Variants in HNF1B observed in about 807,000 individuals in gnomAD.
HNF1B encodes the protein HNF1 homeobox B, also known as hepatocyte nuclear factor 1-beta.
Under a neutral mutation model 61.7 loss-of-function variants are expected in HNF1B, and 8 were observed. The ratio of observed to expected loss-of-function variants is 0.13; its 90% CI spans 0.08 to 0.23. The LOEUF (loss-of-function observed/expected upper bound fraction) is 0.23. Ranked by LOEUF, HNF1B falls within the 10% of genes least tolerant of loss-of-function variation. HNF1B has a pLI of 1.00. For missense variants in HNF1B, 562 were observed against 714.5 expected (o/e 0.79, Z 2.43); for synonymous variants, 314 against 287.7 (o/e 1.09, Z -0.93).
chr17:37,699,603 C>T (rs2032497972), intron 7 of HNF1B, among the ~76,000 whole-genome samples: 1 of 152,222 alleles, frequency 6.6e-6, no homozygotes, highest in Non-Finnish European at 1.5e-5. Context: ...CCACAGGTCG[C>T]TGGTGACCAC....
intron 1 of HNF1B, among the ~76,000 whole-genome samples, chr17:37,741,917 C>T (rs1312917321): frequency 2.0e-5 from 3 of 152,156 alleles, no homozygotes; most frequent in African/African-American, 7.2e-5. Flanking sequence ...AGTAAGATGG[C>T]GCAGTTATAC....
At chr17:37,737,727 T>C (rs917859813) in intron 2 of HNF1B, among the ~76,000 whole-genome samples, 6 of 150,886 alleles carry the variant, frequency 4.0e-5, no homozygotes, top group South Asian at 2.1e-4. Context: ...CCCAGCTACT[T>C]GGGAGGCTGA....
intron 1 of HNF1B, 48 bp downstream of exon 1, chr17:37,744,493 G>A (rs376931357): frequency 1.1e-5 from 18 of 1,579,850 alleles, no homozygotes; most frequent in Middle Eastern, 1.8e-4. Context: ...CCCGGGGCCG[G>A]GGCTCCAGGG....
chr17:37,740,523 G>A (rs901433943), intron 1 of HNF1B, among the ~76,000 whole-genome samples: 8 of 152,094 alleles, frequency 5.3e-5, no homozygotes, highest in African/African-American at 9.7e-5. Flanking sequence ...AAGCAAGGAG[G>A]ATGTCTTAGC....
intron 4 of HNF1B, among the ~76,000 whole-genome samples, chr17:37,718,100 C>T (rs1242090328): frequency 1.3e-5 from 2 of 151,798 alleles, no homozygotes; most frequent in African/African-American, 4.8e-5. Context: ...TAAGGGAAGC[C>T]CACAAACTGG....
intron 4 of HNF1B, among the ~76,000 whole-genome samples, chr17:37,714,109 AGTTCC>A (rs2033026254): frequency 6.6e-6 from 1 of 152,216 alleles, no homozygotes; most frequent in South Asian, 2.1e-4. Context: ...CCTGAGCTTC[AGTTCC>A]TTACTGTTAA....
At chr17:37,725,820 A>C (rs1327703084) in intron 4 of HNF1B, among the ~76,000 whole-genome samples, 2 of 152,216 alleles carry the variant, frequency 1.3e-5, no homozygotes. Context: ...CCCAGAGGTG[A>C]GCTGAGGTGC....
chr17:37,729,339 A>C (rs1310086960), intron 4 of HNF1B: 3 of 151,350 alleles, frequency 2.0e-5, no homozygotes, highest in African/African-American at 7.3e-5. Flanking sequence ...AGGCTAAGAC[A>C]GGAGGACTGC....
In HNF1B at chr17:37,699,173, G is replaced by T. The variant is rs745416273; in HGVS notation, c.1556C>A (p.Pro519His). 3.1e-6 allele frequency: 5 copies of T among 1,613,868 alleles called. No homozygotes were observed. The African/African-American group carries it at 5.3e-5, about 17-fold the overall frequency. ...CCGGGAGGTGTGGGAATACTGGGGG[G>T]GTTCCTGCTTGTGTGCGTACACTGG... ...NSHMYAHKQE[P>H]PQYSHTSRFP... is the part of the protein sequence containing the mutation. Residue 519 changes from proline to histidine, a missense_variant, in exon 8 of 9, where the codon CCC (proline) becomes CAC (histidine). This residue lies in a region of HNF1B where 64 missense variants were observed against 96.9 expected (regional missense o/e 0.66). Coordinates refer to ENST00000617811, the MANE Select transcript of HNF1B (RefSeq NM_000458.4).
chr17:37,734,041 T>A (rs779350565), intron 2 of HNF1B, among the ~76,000 whole-genome samples: 33 of 152,244 alleles, frequency 2.2e-4, no homozygotes, highest in Non-Finnish European at 1.0e-4. Flanking sequence ...TTTTCCTTTC[T>A]TTGAAGGAGC....
At chr17:37,743,097 G>A (rs1274575072) in intron 1 of HNF1B, among the ~76,000 whole-genome samples, 1 of 152,230 alleles carries the variant, frequency 6.6e-6, no homozygotes. Flanking sequence ...CGCGGGGCTG[G>A]GTGCGGAGGG....
chr17:37,706,468 T>C (rs2032751935), intron 5 of HNF1B, among the ~76,000 whole-genome samples: 1 of 152,042 alleles, frequency 6.6e-6, no homozygotes, highest in Non-Finnish European at 1.5e-5. Flanking sequence ...TAAGATGCTA[T>C]CTCCCACCCT....
chr17:37,741,441 G>A (rs1321854666), intron 1 of HNF1B, among the ~76,000 whole-genome samples: 1 of 152,180 alleles, frequency 6.6e-6, no homozygotes, highest in Non-Finnish European at 1.5e-5. Context: ...ACAATATGAG[G>A]AAGTAACAAG....
intron 7 of HNF1B, 131 bp from the exon 8 acceptor site, chr17:37,699,325 T>C: frequency 3.9e-6 from 3 of 760,886 alleles, no homozygotes. Flanking sequence ...AGTGGGGATT[T>C]CTCATATTAG....
At chr17:37,717,631 C>T (rs2033168218) in intron 4 of HNF1B, among the ~76,000 whole-genome samples, 1 of 152,196 alleles carries the variant, frequency 6.6e-6, no homozygotes, top group African/African-American at 2.4e-5. Flanking sequence ...ACTCTACCTT[C>T]TCCCTAAACA....
At chr17:37,709,106 C>T (rs764278146) in intron 5 of HNF1B, among the ~76,000 whole-genome samples, 3 of 152,104 alleles carry the variant, frequency 2.0e-5, no homozygotes, top group Non-Finnish European at 4.4e-5. Flanking sequence ...AGAGCATGAC[C>T]CAAAGAATAG....
chr17:37,728,455 C>T (rs1216707018), intron 4 of HNF1B, among the ~76,000 whole-genome samples: 2 of 151,794 alleles, frequency 1.3e-5, no homozygotes, highest in African/African-American at 2.4e-5. Flanking sequence ...TACAGGCACC[C>T]GCCACCACAC....
chr17:37,724,900 ATGCG>A (rs1282439145), intron 4 of HNF1B, among the ~76,000 whole-genome samples: 12 of 80,390 alleles, frequency 1.5e-4, no homozygotes, highest in Non-Finnish European at 2.3e-4. Context: ...TTCTATATGT[ATGCG>A]TGTGTGTGTG....
Position 37,705,013 on chromosome 17 carries a change from T to A in HNF1B, c.1243A>T (p.Thr415Ser), listed in dbSNP as rs765654692. The part of the protein sequence containing the change: ...VSGGGLPPVS[T>S]LTNIHSLSHH... Reference sequence around the variant, plus strand: ...GAGAGGCTGTGGATATTCGTCAAGGTGCTGACTGGGGGCAAACCTCCTCCT... The same window carrying A: ...GAGAGGCTGTGGATATTCGTCAAGGAGCTGACTGGGGGCAAACCTCCTCCT... Residue 415 changes from threonine to serine, a missense_variant, in exon 6 of 9, where the codon ACC (threonine) becomes TCC (serine). Physicochemically the swap from Thr to Ser is moderately conservative, Grantham distance 58. Transcript: ENST00000617811. 6 of 1,613,924 alleles carry A rather than the reference T, an allele frequency of 3.7e-6. No individual in the cohort carries two copies. Among genetic ancestry groups the A allele is most frequent in the Non-Finnish European group, 5.1e-6 (6 of 1,179,986 alleles).
Sources: gnomAD v4.1 joint callset for allele counts (sites outside exome capture counted in the v4.1 genomes callset) on GRCh38, gnomAD v4.1.1 for gene constraint, gnomAD v4.1.1 regional missense constraint, MANE v1.5 for transcripts, NCBI Gene and HGNC (gene_info 2026-07-23, HGNC 2026-07-21) for gene names.